FCRL5: variants seen among roughly 807,000 people sequenced by gnomAD.
FCRL5 encodes Fc receptor like 5, also known as Fc receptor-like protein 5.
In FCRL5, 79 loss-of-function variants were observed where a neutral mutation model predicts 92.1. The observed-to-expected ratio is 0.86, with a 90% CI of 0.72 to 1.03. FCRL5 has a LOEUF of 1.03. FCRL5 is among the 50% of genes least tolerant of loss of function. The probability of loss-of-function intolerance (pLI) is 0.00; values close to 1 mark genes in which losing one functional copy is unlikely to be tolerated. For missense variants in FCRL5, 1,160 were observed against 1,181.1 expected (o/e 0.98, Z 0.26); for synonymous variants, 466 against 469.3 (o/e 0.99, Z 0.09).
chr1:157,548,142 A>G (rs965582791), intron 2 of FCRL5, among the ~76,000 whole-genome samples: 14 of 152,230 alleles, frequency 9.2e-5, no homozygotes, highest in African/African-American at 3.1e-4. Flanking sequence ...TGGCAATAAT[A>G]GTAAATGCAG....
chr1:157,529,898 C>A (rs115564293), intron 8 of FCRL5, among the ~76,000 whole-genome samples: 1 of 152,104 alleles, frequency 6.6e-6, no homozygotes. Context: ...ACCAAAATCT[C>A]GGAAATTACT....
At chr1:157,524,918 G>C (rs1650362848) in intron 9 of FCRL5, among the ~76,000 whole-genome samples, 1 of 152,074 alleles carries the variant, frequency 6.6e-6, no homozygotes, top group Admixed American at 6.5e-5. Flanking sequence ...ATTGCATCTG[G>C]GCTGCATCAG....
rs750546522 is a variant in FCRL5 at position 157,515,595 on chromosome 1, TC to T, written c.*79del. The T allele has an allele frequency of 7.4e-6, 12 of 1,613,430 alleles. No homozygotes were observed. The highest frequency in any genetic ancestry group is 8.5e-6 in the Non-Finnish European group (10 of 1,179,946). ...ATATGGTCTGGGGCAGCCTAAATCT[TC>T]CCACTTCAATGCTGCTTCTCCCCCA... On this transcript the variant is annotated 3_prime_UTR_variant, in exon 17 of 17. Coordinates refer to ENST00000361835, the MANE Select transcript of FCRL5 (RefSeq NM_031281.3).
At chr1:157,545,139 A>G in intron 3 of FCRL5, 57 bp from the exon 4 acceptor site, 1 of 1,546,626 alleles carries the variant, frequency 6.5e-7, no homozygotes. Context: ...CTTTCTTTTC[A>G]TTGTTTTTCC....
Position 157,534,758 on chromosome 1 carries a change from G to A in FCRL5, c.1537C>T (p.Pro513Ser). ...ILYQFYHEDM[P>S]LWSSSTPSVG... ...GAGGGTGTTGAGCTGCTCCACAGGG[G>A]CATGTCCTCATGATAAAACTGGTAT... is the stretch of plus-strand genomic sequence containing the variant. The change falls in exon 8 of 17, where the codon CCC (proline) becomes TCC (serine). Residue 513 changes from proline to serine, a missense_variant. Coordinates refer to ENST00000361835, the MANE Select transcript of FCRL5 (RefSeq NM_031281.3). 1 of 1,614,136 alleles carries A rather than the reference G, an allele frequency of 6.2e-7. No individual in the cohort carries two copies. The highest frequency in any genetic ancestry group is 8.5e-7 in the Non-Finnish European group (1 of 1,180,018).
chr1:157,545,522 G>GTTTTTTTTTTTTTTTTT (rs754972248), intron 3 of FCRL5, among the ~76,000 whole-genome samples: 1 of 84,940 alleles, frequency 1.2e-5, no homozygotes, highest in African/African-American at 5.0e-5. Flanking sequence ...TCTTTAATGA[G>GTTTTTTTTTTTTTTTTT]TTTTTTTTTT....
In FCRL5 at chr1:157,547,022, C is replaced by T. The variant is rs1651571505; in HGVS notation, c.228G>A (p.Glu76=). The change falls in exon 3 of 17, where the codon GAG becomes GAA. Residue 76 remains glutamate (E), a synonymous_variant. Transcript: ENST00000361835. The part of the protein sequence containing the change: ...ILRETPDNIL[E]VQESGEYRCQ... ...ATCTGTACTCTCCAGATTCCTGAAC[C>T]TCAAGGATATTGTCTGGGGTTTCTC... is the stretch of plus-strand genomic sequence containing the variant. The T allele has an allele frequency of 6.2e-7, 1 of 1,614,174 alleles. No homozygotes were observed. The highest frequency in any genetic ancestry group is 2.2e-5 in the East Asian group (1 of 44,878).
At chr1:157,529,605 G>C (rs1239500993) in intron 8 of FCRL5, among the ~76,000 whole-genome samples, 1 of 152,142 alleles carries the variant, frequency 6.6e-6, no homozygotes, top group Admixed American at 6.6e-5. Context: ...ATGTGTGTGT[G>C]TGTGTGTGTG....
At chr1:157,538,643 T>A (rs1278758025) in intron 7 of FCRL5, among the ~76,000 whole-genome samples, 2 of 152,236 alleles carry the variant, frequency 1.3e-5, no homozygotes, top group African/African-American at 4.8e-5. Flanking sequence ...ATCCAGCGAC[T>A]TGTCTTTGTG....
At position 157,524,410 on chromosome 1, in the gene FCRL5, A is replaced by C. The variant is rs1026953419; in HGVS notation, c.2108T>G (p.Ile703Ser). The change falls in exon 10 of 17, where the codon ATC (isoleucine) becomes AGC (serine). Residue 703 changes from isoleucine to serine, a missense_variant. Physicochemically the swap from Ile to Ser is moderately radical, Grantham distance 142. Transcript: ENST00000361835. Reference protein sequence around the residue: ...FYHEDVTLGKISAPSGGGASF... With the variant: ...FYHEDVTLGKSSAPSGGGASF... Reference sequence around the variant, plus strand: ...GGCCCCTCCTCCAGAGGGGGCTGAGATCTTACCCAGGGTGACATCTTCATG... The same window carrying C: ...GGCCCCTCCTCCAGAGGGGGCTGAGCTCTTACCCAGGGTGACATCTTCATG... 6.8e-6 allele frequency: 11 copies of C among 1,614,088 alleles called. No homozygotes were observed. The African/African-American group carries it at 9.3e-5, about 14-fold the overall frequency.
intron 7 of FCRL5, among the ~76,000 whole-genome samples, chr1:157,535,819 C>T (rs1324406330): frequency 1.3e-5 from 2 of 151,952 alleles, no homozygotes; most frequent in African/African-American, 2.4e-5. Context: ...ATACTGAGGC[C>T]CCGAGTGGTT....
In FCRL5 at chr1:157,515,624, G is replaced by A. The variant is rs1248987176; in HGVS notation, c.*51C>T. The A allele has an allele frequency of 2.5e-6, 4 of 1,613,938 alleles. No individual in the cohort carries two copies. Among genetic ancestry groups the A allele is most frequent in the African/African-American group, 1.3e-5 (1 of 74,950 alleles). On this transcript the variant is annotated 3_prime_UTR_variant, in exon 17 of 17. Coordinates refer to ENST00000361835, the MANE Select transcript of FCRL5 (RefSeq NM_031281.3). ...ACTTCAATGCTGCTTCTCCCCCAAG[G>A]GGAACTTTGGGGTGCAGAGGCTGAA...
In FCRL5 at chr1:157,513,648, G is replaced by T. The variant is rs898977853; in HGVS notation, c.*2027C>A. On this transcript the variant is annotated 3_prime_UTR_variant, in exon 17 of 17. Transcript: ENST00000361835. Reference sequence around the variant, plus strand: ...TTACATTCAGGCCTTCAACAGACTGGACGGGGTCCACCCACATTAGGGTGG... The same window carrying T: ...TTACATTCAGGCCTTCAACAGACTGTACGGGGTCCACCCACATTAGGGTGG... The T allele has an allele frequency of 2.0e-5, 3 of 152,330 alleles. No homozygotes were observed. Among genetic ancestry groups the T allele is most frequent in the Admixed American group, 2.0e-4 (3 of 15,308 alleles). The allele number at this position is 152,330 out of a possible 1,614,324, so 9.4% of individuals were successfully genotyped here. A position where few individuals can be genotyped will look rare whatever the true frequency, so the allele number is the denominator to read the frequency against.
At chr1:157,531,006 C>T (rs1263672063) in intron 8 of FCRL5, among the ~76,000 whole-genome samples, 1 of 152,036 alleles carries the variant, frequency 6.6e-6, no homozygotes, top group Non-Finnish European at 1.5e-5. Context: ...AAAGAATTTG[C>T]ACAGCAAAGG....
chr1:157,546,450 A>AAAACCAAACCAAACCAAAAC (rs1553273839), intron 3 of FCRL5, among the ~76,000 whole-genome samples: 10 of 145,016 alleles, frequency 6.9e-5, no homozygotes, highest in Non-Finnish European at 1.2e-4. Flanking sequence ...TCCATCTCAA[A>AAAACCAAACCAAACCAAAAC]AAACCAAACC....
intron 10 of FCRL5, 179 bp downstream of exon 10, chr1:157,524,100 C>T: frequency 1.6e-6 from 1 of 607,270 alleles, no homozygotes; most frequent in Non-Finnish European, 2.9e-6. Flanking sequence ...ACATCAGATT[C>T]CTGGAACCAT....
intron 10 of FCRL5, chr1:157,523,883 G>A (rs367806631): frequency 3.7e-6 from 1 of 268,970 alleles, no homozygotes; most frequent in Non-Finnish European, 7.0e-6. Flanking sequence ...AGAGACTCAA[G>A]AGTAGAGGCT....
At chr1:157,518,824 C>T (rs1461614733) in intron 13 of FCRL5, 42 bp from the exon 14 acceptor site, 1 of 1,532,600 alleles carries the variant, frequency 6.5e-7, no homozygotes, top group African/African-American at 1.4e-5. Context: ...GGAATCCAGA[C>T]AAAGTAGCTA....
intron 8 of FCRL5, chr1:157,533,739 A>T (rs1388445786): frequency 6.6e-6 from 1 of 152,450 alleles, no homozygotes; most frequent in African/African-American, 2.4e-5. Context: ...TAAAACATGG[A>T]TAAAAAGATA....
Sources: allele counts gnomAD v4.1 joint callset (sites outside exome capture counted in the v4.1 genomes callset), GRCh38; gene constraint gnomAD v4.1.1; transcripts MANE v1.5; gene names NCBI Gene and HGNC (gene_info 2026-07-23, HGNC 2026-07-21).